Variants in KAT6B observed in about 807,000 individuals in gnomAD.
KAT6B encodes lysine acetyltransferase 6B.
A neutral mutation model predicts 187.5 loss-of-function variants in KAT6B; 10 were observed. The observed-to-expected ratio is 0.05, with a 90% CI of 0.03 to 0.09. The LOEUF is 0.09. KAT6B is among the 10% of genes least tolerant of loss of function. The pLI, the probability that KAT6B is intolerant of heterozygous loss-of-function variation, is 1.00. For missense variants in KAT6B, 1,952 were observed against 2,558.9 expected, an observed-to-expected ratio of 0.76 and a Z score of 5.12; for synonymous variants, 861 against 926.8, an observed-to-expected ratio of 0.93 and a Z score of 1.29.
chr10:75,021,817 C>T (rs1682362139), intron 15 of KAT6B, 64 bp from the exon 16 acceptor site: 2 of 1,575,156 alleles, frequency 1.3e-6, no homozygotes, highest in Admixed American at 1.7e-5. Flanking sequence ...TGCCATTGAT[C>T]CTCAGAGGCT....
At chr10:74,941,784 T>C (rs985892667) in intron 3 of KAT6B, among the ~76,000 whole-genome samples, 1 of 152,196 alleles carries the variant, frequency 6.6e-6, no homozygotes, top group African/African-American at 2.4e-5. Flanking sequence ...TTAAATTCTT[T>C]CAGAAAATAG....
At chr10:74,834,439 G>A (rs1841122927) in intron 1 of KAT6B, among the ~76,000 whole-genome samples, 1 of 151,664 alleles carries the variant, frequency 6.6e-6, no homozygotes, top group Non-Finnish European at 1.5e-5. Flanking sequence ...CTCGTGATCT[G>A]CCCGCCTTGG....
At chr10:74,885,641 A>G (rs2132572474) in intron 3 of KAT6B, among the ~76,000 whole-genome samples, 1 of 152,254 alleles carries the variant, frequency 6.6e-6, no homozygotes, top group African/African-American at 2.4e-5. Context: ...AAGTGTAGTA[A>G]ATATTGTGGA....
At chr10:74,939,695 A>C (rs764193555) in intron 3 of KAT6B, among the ~76,000 whole-genome samples, 27 of 152,160 alleles carry the variant, frequency 1.8e-4, no homozygotes, top group Non-Finnish European at 3.2e-4. Context: ...CACTGTGCCC[A>C]GCTGGAGTCT....
intron 3 of KAT6B, among the ~76,000 whole-genome samples, chr10:74,878,706 G>A (rs1382119637): frequency 6.6e-6 from 1 of 151,906 alleles, no homozygotes; most frequent in Non-Finnish European, 1.5e-5. Flanking sequence ...TTTGAAGTCA[G>A]AGTCCATCCA....
intron 3 of KAT6B, among the ~76,000 whole-genome samples, chr10:74,929,949 T>G (rs1309281203): frequency 6.6e-6 from 1 of 150,998 alleles, no homozygotes; most frequent in Non-Finnish European, 1.5e-5. Flanking sequence ...AGGCTTAGTC[T>G]CAAGCTGTTG....
At chr10:74,903,926 TTTATTTACC>T (rs1846572599) in intron 3 of KAT6B, among the ~76,000 whole-genome samples, 1 of 152,210 alleles carries the variant, frequency 6.6e-6, no homozygotes, top group Non-Finnish European at 1.5e-5. Context: ...TATTTATTTG[TTTATTTACC>T]TGAAAAGTAA....
intron 12 of KAT6B, among the ~76,000 whole-genome samples, chr10:74,988,807 G>C (rs962259270): frequency 6.6e-6 from 1 of 152,190 alleles, no homozygotes; most frequent in South Asian, 2.1e-4. Flanking sequence ...TGACTTTCAA[G>C]AATAAAGATG....
chr10:74,864,984 A>T (rs1472476127), intron 3 of KAT6B, among the ~76,000 whole-genome samples: 1 of 152,242 alleles, frequency 6.6e-6, no homozygotes, highest in Non-Finnish European at 1.5e-5. Flanking sequence ...GTTTTTAGAT[A>T]TATAAGACAT....
At chr10:74,929,596 T>C (rs1848729369) in intron 3 of KAT6B, among the ~76,000 whole-genome samples, 1 of 152,184 alleles carries the variant, frequency 6.6e-6, no homozygotes, top group African/African-American at 2.4e-5. Context: ...AACCATCAGT[T>C]GGGCAAATTG....
chr10:74,918,064 T>C (rs1847832990), intron 3 of KAT6B, among the ~76,000 whole-genome samples: 1 of 152,232 alleles, frequency 6.6e-6, no homozygotes, highest in South Asian at 2.1e-4. Flanking sequence ...TTGTAATCAG[T>C]GTTTCTAGTT....
chr10:74,939,078 C>CACACACA (rs55728107), intron 3 of KAT6B, among the ~76,000 whole-genome samples: 1 of 151,464 alleles, frequency 6.6e-6, no homozygotes, highest in South Asian at 2.1e-4. Context: ...CACACACACA[C>CACACACA]CAGTCCCCTT....
chr10:74,896,981 T>G (rs1846036245), intron 3 of KAT6B, among the ~76,000 whole-genome samples: 1 of 152,204 alleles, frequency 6.6e-6, no homozygotes, highest in Non-Finnish European at 1.5e-5. Flanking sequence ...GGTGTGTGTG[T>G]GGGGTCAACA....
chr10:74,857,738 G>C (rs991900499), intron 3 of KAT6B, among the ~76,000 whole-genome samples: 27 of 152,182 alleles, frequency 1.8e-4, no homozygotes, highest in African/African-American at 6.0e-4. Flanking sequence ...AGGAAAGAGG[G>C]CCAGGTGCAG....
chr10:74,992,924 G>A (rs1426204241), intron 13 of KAT6B, among the ~76,000 whole-genome samples: 4 of 152,180 alleles, frequency 2.6e-5, no homozygotes, highest in Non-Finnish European at 4.4e-5. Flanking sequence ...GGGTGGAGGA[G>A]AGAGTGACTA....
intron 3 of KAT6B, among the ~76,000 whole-genome samples, chr10:74,844,430 T>C (rs541984413): frequency 1.8e-3 from 273 of 152,200 alleles, no homozygotes; most frequent in African/African-American, 6.4e-3. Flanking sequence ...AACTCCTGAC[T>C]TCAGGTGATC....
At chr10:74,883,731 G>C (rs1326456355) in intron 3 of KAT6B, among the ~76,000 whole-genome samples, 1 of 152,162 alleles carries the variant, frequency 6.6e-6, no homozygotes, top group African/African-American at 2.4e-5. Flanking sequence ...ATAGAATTGA[G>C]ACTTTATACC....
At position 75,019,846 on chromosome 10, in the gene KAT6B, T is replaced by G. The variant is rs142340398; in HGVS notation, c.2630-736T>G. Among the ~76,000 whole-genome samples the G allele has an allele frequency of 3.9e-3, 600 of 152,106 alleles. 2 individuals carry two copies. The highest frequency in any genetic ancestry group is 6.2e-3 in the Non-Finnish European group (419 of 67,988). ...ATGCTGTAAAATGCGTTCAAAAGCTTAAGATGCTGGGGGATTTTCTGAGCA... is the reference window on the plus strand; with the variant it reads ...ATGCTGTAAAATGCGTTCAAAAGCTGAAGATGCTGGGGGATTTTCTGAGCA... On this transcript the variant is annotated intron_variant, in intron 13 of 17. Coordinates refer to ENST00000287239, the MANE Select transcript of KAT6B (RefSeq NM_012330.4).
chr10:74,963,048 C>A (rs1313967991), intron 4 of KAT6B, among the ~76,000 whole-genome samples: 1 of 152,110 alleles, frequency 6.6e-6, no homozygotes, highest in Non-Finnish European at 1.5e-5. Context: ...CCTCCATCCA[C>A]AGAGCTATTG....
Sources: allele counts gnomAD v4.1 joint callset (sites outside exome capture counted in the v4.1 genomes callset), GRCh38; gene constraint gnomAD v4.1.1; transcripts MANE v1.5; gene names NCBI Gene and HGNC (gene_info 2026-07-23, HGNC 2026-07-21).